The following MTSS2 variants were observed in gnomAD, a reference collection of about 807,000 sequenced individuals.
MTSS2 encodes protein MTSS 2.
A neutral mutation model predicts 67.1 loss-of-function variants in MTSS2; 27 were observed. The ratio of observed to expected loss-of-function variants is 0.40; its 90% CI spans 0.30 to 0.55. The LOEUF (loss-of-function observed/expected upper bound fraction) is 0.55. MTSS2 is among the 20% of genes least tolerant of loss of function. MTSS2 has a pLI of 0.43. For synonymous variants in MTSS2, 624 were observed against 468.6 expected (o/e 1.33, Z -4.28); for missense variants, 1,171 against 1,067.8 (o/e 1.10, Z -1.35).
Position 70,664,043 on chromosome 16 carries a change from C to G in MTSS2, c.1878G>C (p.Leu626=). 1.2e-6 allele frequency: 2 copies of G among 1,609,914 alleles called. No individual in the cohort carries two copies. The highest frequency in any genetic ancestry group is 1.7e-6 in the Non-Finnish European group (2 of 1,178,828). The stretch of plus-strand genomic sequence containing the variant: ...GGGAGGCCTTGGCGAGGTCCGGTGC[C>G]AGGGGTGAGGCGGTCTCGTCGGTAT... The part of the protein sequence containing the change: ...VFYTDETASP[L]APDLAKASPK... Residue 626 remains leucine, a synonymous_variant, in exon 15 of 15, where the codon CTG becomes CTC. Coordinates refer to ENST00000338779, the MANE Select transcript of MTSS2 (RefSeq NM_138383.3).
intron 1 of MTSS2, among the ~76,000 whole-genome samples, chr16:70,684,940 G>A (rs77322829): frequency 0.05 from 7,608 of 152,260 alleles, 215 homozygotes; most frequent in Non-Finnish European, 0.072. Context: ...GCCATTTCCA[G>A]GCCTCAGTTT....
At chr16:70,683,127 A>AT (rs2053350942) in intron 1 of MTSS2, among the ~76,000 whole-genome samples, 1 of 152,184 alleles carries the variant, frequency 6.6e-6, no homozygotes, top group South Asian at 2.1e-4. Flanking sequence ...GTGGACAGGG[A>AT]TGAGGGGACT....
intron 6 of MTSS2, 65 bp downstream of exon 6, chr16:70,679,565 A>G: frequency 6.7e-7 from 1 of 1,495,320 alleles, no homozygotes; most frequent in Non-Finnish European, 9.0e-7. Context: ...GGGGCGCCCC[A>G]CGGGGCGGTG....
intron 11 of MTSS2, among the ~76,000 whole-genome samples, chr16:70,673,685 TAAAG>T (rs768199204): frequency 4.0e-5 from 6 of 151,692 alleles, no homozygotes; most frequent in African/African-American, 7.3e-5. Context: ...ATGTATAAAA[TAAAG>T]AAATTAAGAA....
intron 10 of MTSS2, 142 bp from the exon 11 acceptor site, chr16:70,674,670 G>C: frequency 4.1e-6 from 3 of 730,480 alleles, no homozygotes; most frequent in East Asian, 2.7e-5. Context: ...GAGGTCCTGA[G>C]ACCCAGGTGC....
rs144396098 is a variant in MTSS2, at chr16:70,663,272, G to T, written c.*405C>A. 1,559 of 195,842 alleles carry T rather than the reference G, an allele frequency of 8.0e-3. 33 individuals are homozygous for T. Among genetic ancestry groups the T allele is most frequent in the African/African-American group, 0.035 (1,487 of 42,812 alleles). The allele number at this position is 195,842 out of a possible 1,614,324, so 12.1% of individuals were successfully genotyped here. A position where few individuals can be genotyped will look rare whatever the true frequency, so the allele number is the denominator to read the frequency against. Reference sequence around the variant, plus strand: ...AGGGGGCTCAGGCAGGGGAGAGGGGGGCCAGCATTCCAGGAGGAGCTGAGG... The same window carrying T: ...AGGGGGCTCAGGCAGGGGAGAGGGGTGCCAGCATTCCAGGAGGAGCTGAGG... On this transcript the variant is annotated 3_prime_UTR_variant, in exon 15 of 15. Transcript: ENST00000338779.
Position 70,679,884 on chromosome 16 carries a change from AGG to A in MTSS2, c.291-9_291-8del, listed in dbSNP as rs762014403. 9 of 1,593,304 alleles carry A rather than the reference AGG, an allele frequency of 5.6e-6. No homozygotes were observed. Among genetic ancestry groups the A allele is most frequent in the Non-Finnish European group, 6.0e-6 (7 of 1,176,456 alleles). ...GAGGCTCTCCAGCAGTGCGCTGCGGAGGGCGGGCGGGAGCGCAGGTCAGGGCC... is the reference window on the plus strand; with the variant it reads ...GAGGCTCTCCAGCAGTGCGCTGCGGAGCGGGCGGGAGCGCAGGTCAGGGCC... On this transcript the variant is annotated splice_polypyrimidine_tract_variant and splice_region_variant and intron_variant, in intron 4 of 14. Transcript: ENST00000338779.
chr16:70,684,692 C>A (rs1463408781), intron 1 of MTSS2, among the ~76,000 whole-genome samples: 1 of 152,064 alleles, frequency 6.6e-6, no homozygotes, highest in Non-Finnish European at 1.5e-5. Context: ...CTTCTCCCAG[C>A]CCCCAAATCC....
chr16:70,676,759 T>C (rs2053128338), intron 10 of MTSS2, 122 bp downstream of exon 10: 2 of 764,962 alleles, frequency 2.6e-6, no homozygotes, highest in African/African-American at 1.7e-5. Context: ...ATTCCTCGGA[T>C]GGTGTAAAAG....
intron 9 of MTSS2, 32 bp downstream of exon 9, chr16:70,677,760 G>T: frequency 6.5e-7 from 1 of 1,549,274 alleles, no homozygotes; most frequent in Non-Finnish European, 8.8e-7. Context: ...CCCTGCCCCT[G>T]GCCCTGGCCC....
Position 70,663,983 on chromosome 16 carries a change from GC to G in MTSS2, c.1937del (p.Gly646AlafsTer122). The G allele has an allele frequency of 6.3e-7, 1 of 1,584,386 alleles. No individual in the cohort carries two copies. On this transcript the variant is annotated frameshift_variant, in exon 15 of 15. Transcript: ENST00000338779. LOFTEE classifies it low-confidence loss of function (END_TRUNC). ...KRLSLPNTAW[G>X]SPSPEAAGYP... ...ACCCGGCTGCCTCTGGGGATGGGCT[GC>G]CCCAGGCTGTGTTGGGCAGGCTGAG...
rs1429100328 is a variant in MTSS2, at chr16:70,661,281, A to G, written c.*2396T>C. 1 of 452,178 alleles carries G rather than the reference A, an allele frequency of 2.2e-6. No homozygotes were observed. The highest frequency in any genetic ancestry group is 7.1e-5 in the East Asian group (1 of 14,056). 28.0% of individuals were successfully genotyped at this position (452,178 alleles called of 1,614,324 possible). A position where few individuals can be genotyped will look rare whatever the true frequency, so the allele number is the denominator to read the frequency against. On this transcript the variant is annotated 3_prime_UTR_variant, in exon 15 of 15. Coordinates refer to ENST00000338779, the MANE Select transcript of MTSS2 (RefSeq NM_138383.3). Reference sequence around the variant, plus strand: ...TACTTGTAGCAGTGACTATATTTAAATCGGGGAGGATGGTGTGGAGGGGGC... The same window carrying G: ...TACTTGTAGCAGTGACTATATTTAAGTCGGGGAGGATGGTGTGGAGGGGGC...
At chr16:70,669,999 G>C (rs1483001976) in intron 11 of MTSS2, among the ~76,000 whole-genome samples, 1 of 152,142 alleles carries the variant, frequency 6.6e-6, no homozygotes, top group Admixed American at 6.5e-5. Flanking sequence ...GGCCAGGTGT[G>C]GTGGCTCATG....
intron 9 of MTSS2, 59 bp downstream of exon 9, chr16:70,677,733 A>C: frequency 2.2e-6 from 3 of 1,338,152 alleles, no homozygotes; most frequent in Non-Finnish European, 2.1e-6. Context: ...TTCCCAACCT[A>C]GGGCAGCCCA....
At chr16:70,675,495 T>A (rs1267328191) in intron 10 of MTSS2, among the ~76,000 whole-genome samples, 1 of 152,238 alleles carries the variant, frequency 6.6e-6, no homozygotes, top group Non-Finnish European at 1.5e-5. Context: ...TCTAGATTCC[T>A]ATATCCTAAA....
At chr16:70,679,277 A>T in intron 7 of MTSS2, 38 bp downstream of exon 7, 2 of 1,612,640 alleles carry the variant, frequency 1.2e-6, no homozygotes, top group Non-Finnish European at 1.7e-6. Flanking sequence ...TGCGACAAGG[A>T]CGGGAGGAGC....
intron 7 of MTSS2, among the ~76,000 whole-genome samples, chr16:70,679,088 C>T (rs2053213488): frequency 6.6e-6 from 1 of 152,128 alleles, no homozygotes; most frequent in African/African-American, 2.4e-5. Context: ...CTGGCCAACC[C>T]CTCCTGGCCT....
intron 2 of MTSS2, 46 bp downstream of exon 2, chr16:70,680,918 G>GGGGCCCCCCC: frequency 6.4e-6 from 7 of 1,096,688 alleles, no homozygotes; most frequent in South Asian, 1.3e-5. Flanking sequence ...CGGGGGGGGG[G>GGGGCCCCCCC]CCTCTGCCTG....
chr16:70,679,927 G>GGCCCCCCCC, intron 4 of MTSS2, 44 bp downstream of exon 4: 6 of 1,491,330 alleles, frequency 4.0e-6, no homozygotes, highest in Non-Finnish European at 5.4e-6. Context: ...CCCCCGCGAC[G>GGCCCCCCCC]CCCCGTCCCC....
Sources: gnomAD v4.1 joint callset for allele counts (sites outside exome capture counted in the v4.1 genomes callset) on GRCh38, gnomAD v4.1.1 for gene constraint, MANE v1.5 for transcripts, NCBI Gene and HGNC (gene_info 2026-07-23, HGNC 2026-07-21) for gene names.